The following COL13A1 variants were observed in gnomAD, a reference collection of about 807,000 sequenced individuals.
The protein encoded by COL13A1 is collagen type XIII alpha 1 chain.
In COL13A1, 89 loss-of-function variants were observed where a neutral mutation model predicts 130.9. The ratio of observed to expected loss-of-function variants is 0.68; its 90% CI spans 0.57 to 0.81. The LOEUF (loss-of-function observed/expected upper bound fraction) is 0.81, where lower values mean the gene tolerates loss of function less well. Among genes scored for constraint, COL13A1 ranks in the 30% least tolerant of loss-of-function variants. COL13A1 has a pLI of 0.00. For missense variants in COL13A1, 879 were observed against 934.6 expected (o/e 0.94, Z 0.78); for synonymous variants, 402 against 341.6 (o/e 1.18, Z -1.95).
chr10:69,826,111 A>C (rs1847421178), intron 2 of COL13A1, among the ~76,000 whole-genome samples: 1 of 152,176 alleles, frequency 6.6e-6, no homozygotes, highest in Admixed American at 6.5e-5. Context: ...TACAAAGACC[A>C]AGGAAACTTT....
intron 15 of COL13A1, 148 bp from the exon 16 acceptor site, chr10:69,904,785 C>T (rs962356548): frequency 2.5e-6 from 2 of 792,340 alleles, no homozygotes; most frequent in Non-Finnish European, 4.0e-6. Flanking sequence ...CTAGGATCCA[C>T]TAGAGCTGTT....
rs113444400 is a variant in COL13A1 at position 69,880,711 on chromosome 10, C to T, written c.513+158C>T. Reference sequence around the variant, plus strand: ...GTCAGCCCAGCCAGGCCTCGGGTGCCGATGTTGATGTTAAGGAAAGTGGCC... The same window carrying T: ...GTCAGCCCAGCCAGGCCTCGGGTGCTGATGTTGATGTTAAGGAAAGTGGCC... On this transcript the variant is annotated intron_variant, in intron 7 of 40. Coordinates refer to ENST00000645393, the MANE Select transcript of COL13A1 (RefSeq NM_001368882.1). Among the ~76,000 whole-genome samples the T allele has an allele frequency of 4.6e-3, 703 of 152,264 alleles. 8 individuals are homozygous for T. The highest frequency in any genetic ancestry group is 0.016 in the African/African-American group (664 of 41,544).
At chr10:69,938,900 C>T (rs1208268215) in intron 34 of COL13A1, among the ~76,000 whole-genome samples, 1 of 152,130 alleles carries the variant, frequency 6.6e-6, no homozygotes, top group Non-Finnish European at 1.5e-5. Flanking sequence ...AGCCTTCCTG[C>T]CCCACTCAAC....
chr10:69,877,962 T>G, intron 5 of COL13A1, 77 bp from the exon 6 acceptor site: 1 of 688,924 alleles, frequency 1.5e-6, no homozygotes. Context: ...CTCGTGTGGG[T>G]GCCTCTTTCT....
At chr10:69,877,735 ACACACACACACG>A in intron 5 of COL13A1, 2 of 420,778 alleles carry the variant, frequency 4.8e-6, no homozygotes, top group East Asian at 4.8e-5. Flanking sequence ...ACACACACAC[ACACACACACACG>A]TACGTGCCTC....
chr10:69,878,022 G>A lies in COL13A1; in HGVS notation c.436-17G>A, dbSNP rs1386874070. On this transcript the variant is annotated splice_polypyrimidine_tract_variant and intron_variant, in intron 5 of 40. Transcript: ENST00000645393. The stretch of plus-strand genomic sequence containing the variant: ...CCTTTCCCTTCCTGCACCCTGTGTT[G>A]CATGTGGCTGCCCCAGGGAGTAAAG... 2.3e-5 allele frequency: 16 copies of A among 702,654 alleles called. No individual in the cohort carries two copies. The South Asian group carries it at 2.4e-4, about 10-fold the overall frequency. 43.5% of individuals were successfully genotyped at this position (702,654 alleles called of 1,614,324 possible).
intron 17 of COL13A1, among the ~76,000 whole-genome samples, chr10:69,911,137 G>A (rs1172936381): frequency 6.6e-6 from 1 of 152,198 alleles, no homozygotes; most frequent in African/African-American, 2.4e-5. Flanking sequence ...AGGGCACAGG[G>A]ACAGAAGCCC....
At chr10:69,868,763 C>A (rs2134004280) in intron 3 of COL13A1, among the ~76,000 whole-genome samples, 1 of 152,340 alleles carries the variant, frequency 6.6e-6, no homozygotes, top group East Asian at 1.9e-4. Flanking sequence ...AAGGCCCTTG[C>A]ACCCACACTG....
chr10:69,949,930 TTGTGTGTG>T (rs375171960), intron 38 of COL13A1, among the ~76,000 whole-genome samples: 2 of 86,864 alleles, frequency 2.3e-5, no homozygotes, highest in African/African-American at 8.8e-5. Context: ...GCACGCATGT[TTGTGTGTG>T]TGTGTGTGTG....
At chr10:69,879,211 T>C (rs528983726) in intron 6 of COL13A1, among the ~76,000 whole-genome samples, 3 of 152,258 alleles carry the variant, frequency 2.0e-5, no homozygotes, top group African/African-American at 7.2e-5. Context: ...AGGCTGGGGC[T>C]CCTAGCTACC....
chr10:69,846,922 G>A (rs1314036104), intron 2 of COL13A1, among the ~76,000 whole-genome samples: 4 of 152,214 alleles, frequency 2.6e-5, no homozygotes, highest in African/African-American at 9.6e-5. Flanking sequence ...GATTCAAGTG[G>A]GGGTGCTTCC....
intron 1 of COL13A1, among the ~76,000 whole-genome samples, chr10:69,818,524 G>A (rs1329819864): frequency 6.6e-6 from 1 of 152,240 alleles, no homozygotes; most frequent in African/African-American, 2.4e-5. Flanking sequence ...GTTATCAAAA[G>A]AGATTGGCTC....
At chr10:69,904,655 T>C (rs796632752) in intron 15 of COL13A1, among the ~76,000 whole-genome samples, 8 of 152,316 alleles carry the variant, frequency 5.3e-5, no homozygotes, top group African/African-American at 1.9e-4. Context: ...TTTAGCATGA[T>C]GCTGCTGACC....
intron 2 of COL13A1, 94 bp from the exon 3 acceptor site, chr10:69,867,704 G>T: frequency 4.3e-6 from 3 of 702,210 alleles, no homozygotes; most frequent in Non-Finnish European, 5.3e-6. Context: ...AAACCCCTCC[G>T]CTGATGAATC....
chr10:69,837,444 G>A (rs988579018), intron 2 of COL13A1, among the ~76,000 whole-genome samples: 2 of 152,226 alleles, frequency 1.3e-5, no homozygotes, highest in African/African-American at 2.4e-5. Flanking sequence ...ACCTGGTTCC[G>A]GATTCATCTG....
At chr10:69,854,802 A>G (rs1855941049) in intron 2 of COL13A1, among the ~76,000 whole-genome samples, 1 of 152,146 alleles carries the variant, frequency 6.6e-6, no homozygotes, top group African/African-American at 2.4e-5. Context: ...GAGGAATGGT[A>G]TATGTCCTGT....
rs141729166 is a variant in COL13A1 at position 69,888,600 on chromosome 10, G to T, written c.576+270G>T. ...GAATGGGTGATTCTGGGTGGGGTGG[G>T]GGTGAGATCAGGAGGCAGTGAGGAG... On this transcript the variant is annotated intron_variant, in intron 9 of 40. Coordinates refer to ENST00000645393, the MANE Select transcript of COL13A1 (RefSeq NM_001368882.1). Among the ~76,000 whole-genome samples, 27 of 152,216 alleles carry T rather than the reference G, an allele frequency of 1.8e-4. No individual in the cohort carries two copies. In the East Asian group the frequency reaches 4.1e-3, roughly 23 times the overall value.
At chr10:69,910,739 A>C (rs1306547539) in intron 17 of COL13A1, among the ~76,000 whole-genome samples, 3 of 152,244 alleles carry the variant, frequency 2.0e-5, no homozygotes, top group Non-Finnish European at 4.4e-5. Flanking sequence ...GCAAGATGCA[A>C]AGCGTGTTTA....
At chr10:69,919,749 T>A (rs1170933933) in intron 21 of COL13A1, 22 bp downstream of exon 21, 6 of 398,458 alleles carry the variant, frequency 1.5e-5, no homozygotes, top group East Asian at 1.1e-4. Flanking sequence ...TGTATTTGAG[T>A]GTGTGCCCCT....
Sources: allele counts gnomAD v4.1 joint callset (sites outside exome capture counted in the v4.1 genomes callset), GRCh38; gene constraint gnomAD v4.1.1; transcripts MANE v1.5; gene names NCBI Gene and HGNC (gene_info 2026-07-23, HGNC 2026-07-21).